MACROD2: variants seen among roughly 807,000 people sequenced by gnomAD.
MACROD2 encodes the protein ADP-ribose glycohydrolase MACROD2.
Under a neutral mutation model 70.4 loss-of-function variants are expected in MACROD2, and 36 were observed. The ratio of observed to expected loss-of-function variants is 0.51; its 90% confidence interval spans 0.39 to 0.68. The LOEUF is 0.68. MACROD2 is among the 30% of genes least tolerant of loss of function. MACROD2 has a pLI of 0.00. For synonymous variants in MACROD2, 172 were observed against 178.8 expected (o/e 0.96, Z 0.30); for missense variants, 496 against 538.4 (o/e 0.92, Z 0.78).
intron 8 of MACROD2, among the ~76,000 whole-genome samples, chr20:15,736,275 G>A (rs2051018993): frequency 6.6e-6 from 1 of 152,186 alleles, no homozygotes; most frequent in Admixed American, 6.5e-5. Flanking sequence ...GGACTCTAGA[G>A]CAAGTGCCAC....
At chr20:14,763,813 T>C (rs577619012) in intron 5 of MACROD2, among the ~76,000 whole-genome samples, 1 of 152,164 alleles carries the variant, frequency 6.6e-6, no homozygotes, top group South Asian at 2.1e-4. Flanking sequence ...GTGGCAGCTG[T>C]ACATCTAAAA....
intron 7 of MACROD2, among the ~76,000 whole-genome samples, chr20:15,438,370 A>G (rs2046454392): frequency 1.3e-5 from 2 of 152,108 alleles, no homozygotes; most frequent in Admixed American, 1.3e-4. Flanking sequence ...AAGAATAGCC[A>G]TTCTGACTGG....
In MACROD2 at chr20:15,077,540, G is replaced by A. The variant is rs1255954486; in HGVS notation, c.419-152400G>A. Among the ~76,000 whole-genome samples the A allele has an allele frequency of 1.3e-5, 2 of 152,158 alleles. 1 individual carries two copies. The highest frequency in any genetic ancestry group is 2.9e-5 in the Non-Finnish European group (2 of 68,032). On this transcript the variant is annotated intron_variant, in intron 5 of 17. Coordinates refer to ENST00000684519, the MANE Select transcript of MACROD2 (RefSeq NM_001351661.2). Reference sequence around the variant, plus strand: ...AGTGTGGTAAATCATTTTTCTGAAGGTTGGTTTGGACCATTTATATTTTCA... The same window carrying A: ...AGTGTGGTAAATCATTTTTCTGAAGATTGGTTTGGACCATTTATATTTTCA...
chr20:14,005,284 C>T (rs1235027688), intron 2 of MACROD2, among the ~76,000 whole-genome samples: 1 of 152,038 alleles, frequency 6.6e-6, no homozygotes, highest in African/African-American at 2.4e-5. Context: ...AATAAAAAAA[C>T]CCAAAAAACA....
intron 7 of MACROD2, among the ~76,000 whole-genome samples, chr20:15,449,071 C>T (rs1353247973): frequency 2.0e-5 from 3 of 151,976 alleles, no homozygotes; most frequent in Non-Finnish European, 2.9e-5. Flanking sequence ...TTTTTTATTC[C>T]CATCCCCAAA....
chr20:15,476,349 A>G (rs909214820), intron 7 of MACROD2, among the ~76,000 whole-genome samples: 1 of 152,224 alleles, frequency 6.6e-6, no homozygotes, highest in African/African-American at 2.4e-5. Flanking sequence ...GAAAAGGAAA[A>G]TGAAAGTGAA....
intron 8 of MACROD2, among the ~76,000 whole-genome samples, chr20:15,763,993 T>C (rs1219282905): frequency 6.6e-6 from 1 of 152,224 alleles, no homozygotes; most frequent in Non-Finnish European, 1.5e-5. Context: ...ATAATTTCAA[T>C]AACATATTAA....
chr20:14,354,471 C>T (rs1215895390), intron 3 of MACROD2, among the ~76,000 whole-genome samples: 2 of 152,008 alleles, frequency 1.3e-5, no homozygotes, highest in Non-Finnish European at 2.9e-5. Context: ...TGGATATCAG[C>T]CTTTGCTTGC....
chr20:15,191,857 G>T (rs188375719), intron 5 of MACROD2, among the ~76,000 whole-genome samples: 1 of 151,152 alleles, frequency 6.6e-6, no homozygotes, highest in African/African-American at 2.4e-5. Flanking sequence ...GATTCATGAA[G>T]CATTTAAGTT....
rs866647797 is a variant in MACROD2, at chr20:15,001,969, A to G, written c.419-227971A>G. On this transcript the variant is annotated intron_variant, in intron 5 of 17. Coordinates refer to ENST00000684519, the MANE Select transcript of MACROD2 (RefSeq NM_001351661.2). ...CCCACACACACACACACACACACAC[A>G]CACATATACACACACACACTACAAT... Among the ~76,000 whole-genome samples the G allele has an allele frequency of 4.6e-4, 70 of 152,132 alleles. No homozygotes were observed. The Middle Eastern group carries it at 0.01, about 22-fold the overall frequency.
At chr20:14,014,530 A>G (rs2052959679) in intron 2 of MACROD2, among the ~76,000 whole-genome samples, 1 of 152,208 alleles carries the variant, frequency 6.6e-6, no homozygotes, top group African/African-American at 2.4e-5. Context: ...CAGGAGAGCT[A>G]CAGAAACTTC....
intron 8 of MACROD2, among the ~76,000 whole-genome samples, chr20:15,538,506 G>C (rs958056887): frequency 1.3e-5 from 2 of 152,200 alleles, no homozygotes; most frequent in African/African-American, 4.8e-5. Context: ...AACATGTGGA[G>C]TTTGAGATGC....
chr20:15,651,518 G>A (rs984209451), intron 8 of MACROD2, among the ~76,000 whole-genome samples: 4 of 152,108 alleles, frequency 2.6e-5, no homozygotes, highest in African/African-American at 7.2e-5. Flanking sequence ...GGCTTTGTGG[G>A]TTTTATGCTT....
chr20:15,021,220 A>G (rs1419759272), intron 5 of MACROD2, among the ~76,000 whole-genome samples: 1 of 70,024 alleles, frequency 1.4e-5, no homozygotes, highest in Non-Finnish European at 3.0e-5. Context: ...ATACACATAC[A>G]GGTGTGCGTA....
At chr20:15,592,021 G>A (rs7264339) in intron 8 of MACROD2, among the ~76,000 whole-genome samples, 2,905 of 152,250 alleles carry the variant, frequency 0.019, 39 homozygotes, top group Non-Finnish European at 0.032. Flanking sequence ...AGTTGACATA[G>A]GAGGCTCTTC....
chr20:15,331,699 C>G (rs919867583), intron 6 of MACROD2, among the ~76,000 whole-genome samples: 1 of 151,620 alleles, frequency 6.6e-6, no homozygotes, highest in African/African-American at 2.4e-5. Context: ...CAAAACTTCT[C>G]TTCTCATGTC....
intron 5 of MACROD2, among the ~76,000 whole-genome samples, chr20:14,959,050 A>AAAATTC (rs1182135032): frequency 6.6e-6 from 1 of 152,166 alleles, no homozygotes; most frequent in African/African-American, 2.4e-5. Context: ...GCAACATGTA[A>AAAATTC]AAATTCAAAA....
intron 5 of MACROD2, among the ~76,000 whole-genome samples, chr20:14,937,034 A>C (rs575867289): frequency 6.6e-6 from 1 of 152,348 alleles, no homozygotes; most frequent in African/African-American, 2.4e-5. Flanking sequence ...AAGGTAGGTT[A>C]GGTAAATACA....
chr20:15,686,732 G>A (rs1283372968), intron 8 of MACROD2, among the ~76,000 whole-genome samples: 1 of 151,968 alleles, frequency 6.6e-6, no homozygotes, highest in Non-Finnish European at 1.5e-5. Context: ...AATTAGCCAG[G>A]CGTGGTGGCG....
Sources: allele counts gnomAD v4.1 joint callset (sites outside exome capture counted in the v4.1 genomes callset), GRCh38; gene constraint gnomAD v4.1.1; transcripts MANE v1.5; gene names NCBI Gene and HGNC (gene_info 2026-07-23, HGNC 2026-07-21).